Variants in SYNE1 observed in about 807,000 individuals in gnomAD.
SYNE1 encodes the protein spectrin repeat containing nuclear envelope protein 1, also known as nesprin-1.
A neutral mutation model predicts 1,111.0 loss-of-function variants in SYNE1; 616 were observed. That is an observed-to-expected ratio of 0.55 (90% confidence interval 0.52 to 0.59). SYNE1 has a LOEUF of 0.59. Ranked by LOEUF, SYNE1 falls within the 20% of genes least tolerant of loss-of-function variation. The probability of loss-of-function intolerance (pLI) is 0.00; values close to 1 mark genes in which losing one functional copy is unlikely to be tolerated. For missense variants in SYNE1, 10,006 were observed against 10,417.0 expected (o/e 0.96, Z 1.72); for synonymous variants, 3,855 against 3,825.8 (o/e 1.01, Z -0.28).
chr6:152,595,462 C>T (rs2099578385), intron 3 of SYNE1, among the ~76,000 whole-genome samples: 1 of 152,206 alleles, frequency 6.6e-6, no homozygotes. Context: ...TCATGCAGGT[C>T]TCAGATGCAA....
rs763899878 is a variant in SYNE1 at position 152,381,240 on chromosome 6, G to A, written c.8775C>T (p.Ala2925=). Reference sequence around the variant, plus strand: ...CCCACTGCTTCCAGTCGGCACGCAGGGCCTGCATCTCCGTGTGCATGAGCT... The same window carrying A: ...CCCACTGCTTCCAGTCGGCACGCAGAGCCTGCATCTCCGTGTGCATGAGCT... ...GCELMHTEMQ[A]LRADWKQWED... The change falls in exon 56 of 146, where the codon GCC becomes GCT. Residue 2925 remains alanine, a synonymous_variant. Coordinates refer to ENST00000367255, the MANE Select transcript of SYNE1 (RefSeq NM_182961.4). The A allele has an allele frequency of 6.2e-7, 1 of 1,614,204 alleles. No homozygotes were observed. The highest frequency in any genetic ancestry group is 8.5e-7 in the Non-Finnish European group (1 of 1,180,036).
At position 152,517,868 on chromosome 6, in the gene SYNE1, G is replaced by A. The variant is rs114580510; in HGVS notation, c.309+2591C>T. Among the ~76,000 whole-genome samples the A allele has an allele frequency of 3.1e-3, 478 of 152,206 alleles. 5 individuals are homozygous for A. The highest frequency in any genetic ancestry group is 0.01 in the African/African-American group (416 of 41,524). On this transcript the variant is annotated intron_variant, in intron 6 of 145. Coordinates refer to ENST00000367255, the MANE Select transcript of SYNE1 (RefSeq NM_182961.4). ...AGGTAGGAAATGCAGTTAGAGGCAG[G>A]GAATGAGAATGGAGTAGTAGGGATG...
intron 98 of SYNE1, among the ~76,000 whole-genome samples, chr6:152,272,270 T>C (rs1459374707): frequency 2.0e-5 from 3 of 152,180 alleles, no homozygotes; most frequent in Non-Finnish European, 4.4e-5. Flanking sequence ...GGAATGTAAT[T>C]ATGGTAATTA....
At chr6:152,185,129 T>G (rs1327576921) in intron 128 of SYNE1, 1 of 152,198 alleles carries the variant, frequency 6.6e-6, no homozygotes, top group Non-Finnish European at 1.5e-5. Context: ...ATATTTCAGC[T>G]AGAATTACAC....
chr6:152,541,766 G>GA (rs1400315362), intron 3 of SYNE1, among the ~76,000 whole-genome samples: 1 of 92,000 alleles, frequency 1.1e-5, no homozygotes, highest in East Asian at 3.2e-4. Context: ...AAAAAAAAAA[G>GA]AAAAGAAATG....
At chr6:152,179,975 G>T (rs117734706) in intron 129 of SYNE1, among the ~76,000 whole-genome samples, 161 bp downstream of exon 129, 1 of 151,936 alleles carries the variant, frequency 6.6e-6, no homozygotes, top group African/African-American at 2.4e-5. Context: ...GAGCCACTGC[G>T]CCCAGCTGCA....
rs1260365159 is a variant in SYNE1 at position 152,213,517 on chromosome 6, A to G, written c.22494+95T>C. 4 of 1,389,150 alleles carry G rather than the reference A, an allele frequency of 2.9e-6. No individual in the cohort carries two copies. The African/African-American group carries it at 5.7e-5, about 20-fold the overall frequency. The allele number at this position is 1,389,150 out of a possible 1,614,324, so 86.1% of individuals were successfully genotyped here. ...TGCATGCATTTAGACACTCGTGCAA[A>G]GGGCATGATTTTAATTCTCCCACAC... On this transcript the variant is annotated intron_variant, in intron 123 of 145. Transcript: ENST00000367255.
In SYNE1 at chr6:152,201,886, T is replaced by A; in HGVS notation, c.23083A>T (p.Lys7695Ter). The change falls in exon 127 of 146, where the codon AAG (lysine) becomes TAG (stop). Residue 7695 changes from lysine to a stop codon, truncating the protein, a stop_gained. Transcript: ENST00000367255. LOFTEE classifies it high-confidence loss of function. ...TGATCCGGGAGAGACTGCGAAAGCT[T>A]CTTTTTGAAAGTTCGTAGTTTCTCC... is the stretch of plus-strand genomic sequence containing the variant. ...SLEKLRTFKKKLSQSLPDHHE... is the reference protein window; with the variant it reads ...SLEKLRTFKK The A allele has an allele frequency of 1.2e-6, 2 of 1,613,980 alleles. No individual in the cohort carries two copies. The highest frequency in any genetic ancestry group is 1.7e-6 in the Non-Finnish European group (2 of 1,179,852).
intron 87 of SYNE1, 86 bp downstream of exon 87, chr6:152,316,763 A>G (rs1283324146): frequency 6.5e-7 from 1 of 1,534,488 alleles, no homozygotes; most frequent in Admixed American, 1.8e-5. Context: ...ATTTTACATC[A>G]CAGCCCTCTA....
chr6:152,149,773 G>A (rs2060102608), intron 135 of SYNE1, 105 bp from the exon 136 acceptor site: 2 of 978,570 alleles, frequency 2.0e-6, no homozygotes, highest in African/African-American at 1.6e-5. Context: ...AGACATGTAG[G>A]GGCTATTTAA....
intron 3 of SYNE1, among the ~76,000 whole-genome samples, chr6:152,613,871 A>C (rs565149556): frequency 1.3e-5 from 2 of 152,340 alleles, no homozygotes; most frequent in African/African-American, 4.8e-5. Context: ...ACCTGACAGA[A>C]ACAAGAAATG....
intron 30 of SYNE1, 47 bp downstream of exon 30, chr6:152,444,364 G>A (rs1165763462): frequency 6.3e-7 from 1 of 1,597,052 alleles, no homozygotes; most frequent in Non-Finnish European, 8.6e-7. Context: ...TCTTTCAGTA[G>A]CAAATCAACT....
intron 39 of SYNE1, among the ~76,000 whole-genome samples, chr6:152,423,815 T>C (rs2098308515): frequency 6.6e-6 from 1 of 152,206 alleles, no homozygotes; most frequent in Admixed American, 6.5e-5. Context: ...AACTCATTAC[T>C]GCCTTAGAGC....
Position 152,230,715 on chromosome 6 carries a change from A to C in SYNE1, c.21040-13T>G. The C allele has an allele frequency of 6.2e-7, 1 of 1,613,412 alleles. No individual in the cohort carries two copies. The highest frequency in any genetic ancestry group is 8.5e-7 in the Non-Finnish European group (1 of 1,179,636). On this transcript the variant is annotated splice_polypyrimidine_tract_variant and intron_variant, in intron 114 of 145. Coordinates refer to ENST00000367255, the MANE Select transcript of SYNE1 (RefSeq NM_182961.4). ...CCAACAGCTGGATCTGAACAAACAC[A>C]ATAAAATGAAATTTGCAACTTTATT...
rs117414026 is a variant in SYNE1, at chr6:152,132,030, G to A, written c.26094+92C>T. ...GTGACAGCCCTCCTCTGGAGGGGACGCCTGCCTGTGAACCCTGTGGTGGGT... is the reference window on the plus strand; with the variant it reads ...GTGACAGCCCTCCTCTGGAGGGGACACCTGCCTGTGAACCCTGTGGTGGGT... On this transcript the variant is annotated intron_variant, in intron 144 of 145. Transcript: ENST00000367255. 1.4e-3 allele frequency: 1,718 copies of A among 1,185,630 alleles called. 20 individuals carry two copies. The East Asian group carries it at 0.024, about 16-fold the overall frequency. 73.4% of individuals were successfully genotyped at this position (1,185,630 alleles called of 1,614,324 possible).
rs148453273 is a variant in SYNE1, at chr6:152,462,158, T to C, written c.2251-418A>G. On this transcript the variant is annotated intron_variant, in intron 20 of 145. Coordinates refer to ENST00000367255, the MANE Select transcript of SYNE1 (RefSeq NM_182961.4). ...TTATAAATTAGAAATATTAGGATAA[T>C]GACAATTTAAATTACTTATAGTCTT... Among the ~76,000 whole-genome samples the C allele has an allele frequency of 9.6e-4, 146 of 151,956 alleles. No individual in the cohort carries two copies. In the East Asian group the frequency reaches 0.027, roughly 29 times the overall value.
intron 74 of SYNE1, among the ~76,000 whole-genome samples, chr6:152,341,548 T>C (rs1478778575): frequency 1.3e-5 from 2 of 152,240 alleles, no homozygotes; most frequent in African/African-American, 4.8e-5. Context: ...CATTTTCTTG[T>C]GGCAGCGGGG....
chr6:152,400,712 ACTT>A (rs1424841032), intron 47 of SYNE1, among the ~76,000 whole-genome samples: 4 of 152,158 alleles, frequency 2.6e-5, no homozygotes, highest in Non-Finnish European at 4.4e-5. Flanking sequence ...TGTTTTCTCA[ACTT>A]CTTCTTTTTC....
chr6:152,178,910 CTT>C (rs750037655), intron 129 of SYNE1, among the ~76,000 whole-genome samples: 6,965 of 115,338 alleles, frequency 0.06, 141 homozygotes, highest in South Asian at 0.16. Context: ...TCACCCAATT[CTT>C]TTTTTTTTTT....
Sources: gnomAD v4.1 joint callset for allele counts (sites outside exome capture counted in the v4.1 genomes callset) on GRCh38, gnomAD v4.1.1 for gene constraint, MANE v1.5 for transcripts, NCBI Gene and HGNC (gene_info 2026-07-23, HGNC 2026-07-21) for gene names.